The following SEC11A variants were observed in gnomAD, a reference collection of about 807,000 sequenced individuals.
The protein encoded by SEC11A is signal peptidase complex catalytic subunit SEC11A.
Under a neutral mutation model 25.6 loss-of-function variants are expected in SEC11A, and 14 were observed. That is an observed-to-expected ratio of 0.55 (90% confidence interval 0.36 to 0.85). The LOEUF is 0.85. Ranked by LOEUF, SEC11A falls within the 40% of genes least tolerant of loss-of-function variation. The probability of loss-of-function intolerance (pLI) is 0.01; values close to 1 mark genes in which losing one functional copy is unlikely to be tolerated. For synonymous variants in SEC11A, 83 were observed against 76.4 expected (o/e 1.09, Z -0.45); for missense variants, 153 against 222.9 (o/e 0.69, Z 2.00).
At chr15:84,673,741 A>G (rs994737620) in intron 4 of SEC11A, 4 of 151,878 alleles carry the variant, frequency 2.6e-5, no homozygotes, top group African/African-American at 9.7e-5. Flanking sequence ...AAACCCTGTC[A>G]CTACTAAAAA....
At chr15:84,677,135 T>C (rs972177080) in intron 4 of SEC11A, among the ~76,000 whole-genome samples, 2 of 152,104 alleles carry the variant, frequency 1.3e-5, no homozygotes, top group African/African-American at 4.8e-5. Flanking sequence ...AGTAACAGAC[T>C]TGCCTGTGGA....
chr15:84,697,915 A>G (rs1897814811), intron 1 of SEC11A, among the ~76,000 whole-genome samples: 1 of 151,944 alleles, frequency 6.6e-6, no homozygotes, highest in Non-Finnish European at 1.5e-5. Flanking sequence ...TATTTCTTCA[A>G]TGCTCAAGGT....
intron 4 of SEC11A, chr15:84,672,765 G>C (rs1897023880): frequency 1.0e-5 from 2 of 194,786 alleles, no homozygotes; most frequent in Non-Finnish European, 2.1e-5. Flanking sequence ...TGGCTGCCCA[G>C]TCTGGAAAGT....
At chr15:84,704,218 C>A (rs765941819) in intron 1 of SEC11A, among the ~76,000 whole-genome samples, 10 of 152,186 alleles carry the variant, frequency 6.6e-5, no homozygotes, top group Admixed American at 2.6e-4. Context: ...TCAAAAAGCA[C>A]CATCCATGAT....
chr15:84,680,946 C>T, intron 3 of SEC11A, 114 bp from the exon 4 acceptor site: 2 of 839,114 alleles, frequency 2.4e-6, no homozygotes, highest in Non-Finnish European at 3.6e-6. Context: ...TTTCACCATT[C>T]TAGTGTCGAA....
At chr15:84,712,333 G>C (rs1898301205) in intron 1 of SEC11A, among the ~76,000 whole-genome samples, 1 of 152,148 alleles carries the variant, frequency 6.6e-6, no homozygotes, top group African/African-American at 2.4e-5. Context: ...ATACTGGGGA[G>C]GATGTGGAGC....
intron 1 of SEC11A, among the ~76,000 whole-genome samples, chr15:84,709,350 G>A (rs1898193178): frequency 6.6e-6 from 1 of 151,944 alleles, no homozygotes; most frequent in African/African-American, 2.4e-5. Flanking sequence ...TCCCCAGAAT[G>A]ATTTATAATT....
intron 4 of SEC11A, among the ~76,000 whole-genome samples, chr15:84,678,608 C>T (rs1004456764): frequency 1.3e-5 from 2 of 152,012 alleles, no homozygotes; most frequent in Non-Finnish European, 1.5e-5. Flanking sequence ...TTTGTAAATA[C>T]GCTAGTAATT....
At chr15:84,708,027 G>A (rs1225706418) in intron 1 of SEC11A, among the ~76,000 whole-genome samples, 1 of 151,846 alleles carries the variant, frequency 6.6e-6, no homozygotes, top group African/African-American at 2.4e-5. Context: ...GGCCAACATG[G>A]TGAAACCCCG....
chr15:84,685,745 C>G (rs1270234001), intron 3 of SEC11A: 1 of 150,844 alleles, frequency 6.6e-6, no homozygotes, highest in African/African-American at 2.4e-5. Context: ...CTTTCAGAAT[C>G]TGGAAAACAC....
At chr15:84,702,802 GC>G (rs979484674) in intron 1 of SEC11A, among the ~76,000 whole-genome samples, 1 of 152,086 alleles carries the variant, frequency 6.6e-6, no homozygotes, top group Admixed American at 6.6e-5. Flanking sequence ...GTATTCACTG[GC>G]AAATTCCACC....
intron 3 of SEC11A, among the ~76,000 whole-genome samples, chr15:84,681,731 G>A (rs577295344): frequency 3.9e-5 from 6 of 152,084 alleles, no homozygotes; most frequent in Admixed American, 6.6e-5. Flanking sequence ...GTTTAAGAAA[G>A]TTATGACACA....
At chr15:84,674,194 G>A (rs1413939574) in intron 4 of SEC11A, among the ~76,000 whole-genome samples, 1 of 151,090 alleles carries the variant, frequency 6.6e-6, no homozygotes, top group African/African-American at 2.4e-5. Flanking sequence ...AGGATGGATA[G>A]AGGTTTTCTA....
intron 1 of SEC11A, among the ~76,000 whole-genome samples, chr15:84,701,629 T>C (rs1470203154): frequency 6.6e-6 from 1 of 152,094 alleles, no homozygotes; most frequent in Non-Finnish European, 1.5e-5. Context: ...CGTTCAATTA[T>C]ATGCTGCCTA....
intron 2 of SEC11A, among the ~76,000 whole-genome samples, chr15:84,689,426 A>G (rs1188788617): frequency 6.6e-6 from 1 of 151,800 alleles, no homozygotes; most frequent in African/African-American, 2.4e-5. Flanking sequence ...TAATTTGGTT[A>G]AAAAAGAGTA....
intron 3 of SEC11A, among the ~76,000 whole-genome samples, chr15:84,683,957 G>A (rs1331479640): frequency 6.6e-6 from 1 of 152,010 alleles, no homozygotes; most frequent in Non-Finnish European, 1.5e-5. Context: ...CTACTTCTAG[G>A]GAGATCAAAG....
At chr15:84,675,078 A>C (rs924312677) in intron 4 of SEC11A, among the ~76,000 whole-genome samples, 2 of 152,238 alleles carry the variant, frequency 1.3e-5, no homozygotes, top group African/African-American at 4.8e-5. Flanking sequence ...TGCTATCATC[A>C]GTCATCTTAA....
In SEC11A at chr15:84,670,799, A is replaced by C. The variant is rs1475469164; in HGVS notation, c.432-17T>G. ...GGAACAAATCTAAAACAAACAAAAA[A>C]CTGATTATCACAGAATTTCCGATGT... On this transcript the variant is annotated splice_polypyrimidine_tract_variant and intron_variant, in intron 4 of 5. Transcript: ENST00000268220. 27 of 1,281,538 alleles carry C rather than the reference A, an allele frequency of 2.1e-5. No individual in the cohort carries two copies. Among genetic ancestry groups the C allele is most frequent in the Non-Finnish European group, 2.8e-5 (26 of 921,664 alleles). 79.4% of individuals were successfully genotyped at this position (1,281,538 alleles called of 1,614,324 possible).
In SEC11A at chr15:84,709,886, G is replaced by A. The variant is rs921252575; in HGVS notation, c.51+6139C>T. 2.6e-5 allele frequency among the ~76,000 whole-genome samples: 4 copies of A among 152,264 alleles called. No individual in the cohort carries two copies. The South Asian group carries it at 6.2e-4, about 24-fold the overall frequency. On this transcript the variant is annotated intron_variant, in intron 1 of 5. Coordinates refer to ENST00000268220, the MANE Select transcript of SEC11A (RefSeq NM_014300.4). ...GCCACCTGAGTAGCTGGGATTACAGGCGTGTGCCACCACACCTGGCTAATT... is the reference window on the plus strand; with the variant it reads ...GCCACCTGAGTAGCTGGGATTACAGACGTGTGCCACCACACCTGGCTAATT...
Sources: allele counts gnomAD v4.1 joint callset (sites outside exome capture counted in the v4.1 genomes callset), GRCh38; gene constraint gnomAD v4.1.1; transcripts MANE v1.5; gene names NCBI Gene and HGNC (gene_info 2026-07-23, HGNC 2026-07-21).